The following FAM13C variants were observed in gnomAD, a reference collection of about 807,000 sequenced individuals.
FAM13C encodes protein FAM13C.
Under a neutral mutation model 73.2 loss-of-function variants are expected in FAM13C, and 37 were observed. The ratio of observed to expected loss-of-function variants is 0.51; its 90% CI spans 0.39 to 0.67. The LOEUF (loss-of-function observed/expected upper bound fraction) is 0.67. Ranked by LOEUF, FAM13C falls within the 30% of genes least tolerant of loss-of-function variation. The pLI is 0.00. For synonymous variants in FAM13C, 246 were observed against 260.9 expected (o/e 0.94, Z 0.55); for missense variants, 589 against 715.6 (o/e 0.82, Z 2.02).
At chr10:59,285,462 A>G (rs956123217) in intron 5 of FAM13C, among the ~76,000 whole-genome samples, 6 of 152,206 alleles carry the variant, frequency 3.9e-5, no homozygotes, top group African/African-American at 1.4e-4. Flanking sequence ...AAAAAGAGCA[A>G]AACTACCCTG....
intron 4 of FAM13C, among the ~76,000 whole-genome samples, chr10:59,314,954 G>C (rs1285351600): frequency 6.6e-6 from 1 of 152,138 alleles, no homozygotes; most frequent in Non-Finnish European, 1.5e-5. Context: ...AACCACAAAG[G>C]CTGTAAGTGT....
chr10:59,251,200 T>C (rs1841338298), intron 13 of FAM13C: 2 of 306,384 alleles, frequency 6.5e-6, no homozygotes, highest in Admixed American at 4.9e-5. Flanking sequence ...TTTAATAAAT[T>C]AGGGAGTAAC....
chr10:59,253,298 A>G (rs752906472), intron 11 of FAM13C, among the ~76,000 whole-genome samples: 1 of 152,240 alleles, frequency 6.6e-6, no homozygotes, highest in African/African-American at 2.4e-5. Context: ...AGTCTGGACT[A>G]TACTACCAAG....
intron 3 of FAM13C, among the ~76,000 whole-genome samples, chr10:59,333,722 T>C (rs1589658338): frequency 6.6e-6 from 1 of 152,310 alleles, no homozygotes; most frequent in East Asian, 1.9e-4. Flanking sequence ...TTTGTTTTAT[T>C]TAGTTTAGCA....
At chr10:59,319,155 T>TC (rs1849899312) in intron 4 of FAM13C, among the ~76,000 whole-genome samples, 1 of 151,236 alleles carries the variant, frequency 6.6e-6, no homozygotes, top group East Asian at 1.9e-4. Context: ...AAAGGATTTA[T>TC]CCCCCATAGA....
intron 3 of FAM13C, among the ~76,000 whole-genome samples, chr10:59,333,474 C>A (rs533821386): frequency 5.3e-5 from 8 of 152,200 alleles, no homozygotes; most frequent in African/African-American, 1.7e-4. Flanking sequence ...GGTGACAGAG[C>A]AAGATTCCAT....
At chr10:59,309,993 C>T (rs376548701) in intron 4 of FAM13C, among the ~76,000 whole-genome samples, 56 of 152,276 alleles carry the variant, frequency 3.7e-4, no homozygotes, top group African/African-American at 1.3e-3. Flanking sequence ...GACTCTCATT[C>T]CCATAACAAA....
intron 3 of FAM13C, 143 bp downstream of exon 3, chr10:59,352,127 G>T: frequency 1.2e-6 from 1 of 847,532 alleles, no homozygotes; most frequent in Non-Finnish European, 1.8e-6. Flanking sequence ...GCTTCCACGT[G>T]TCTCAGGTCG....
intron 12 of FAM13C, among the ~76,000 whole-genome samples, chr10:59,251,975 G>A (rs1412562820): frequency 6.6e-6 from 1 of 152,072 alleles, no homozygotes; most frequent in African/African-American, 2.4e-5. Flanking sequence ...GGTGGATGAG[G>A]GAAGGGATAT....
At chr10:59,303,568 C>T (rs1032592827) in intron 4 of FAM13C, among the ~76,000 whole-genome samples, 1 of 152,284 alleles carries the variant, frequency 6.6e-6, no homozygotes, top group Admixed American at 6.5e-5. Context: ...TTAACTTACA[C>T]AATAAATGTT....
In FAM13C at chr10:59,312,886, A is replaced by C. The variant is rs545498885; in HGVS notation, c.444-10022T>G. Among the ~76,000 whole-genome samples the C allele has an allele frequency of 2.6e-5, 4 of 152,290 alleles. No individual in the cohort carries two copies. In the South Asian group the frequency reaches 8.3e-4, roughly 32 times the overall value. On this transcript the variant is annotated intron_variant, in intron 4 of 13. Coordinates refer to ENST00000618804, the MANE Select transcript of FAM13C (RefSeq NM_198215.4). Reference sequence around the variant, plus strand: ...TTTCTGACCCTTAAAATTGGTTCTTAGTCCTCTTGCTCCATCAGCTCCAGG... The same window carrying C: ...TTTCTGACCCTTAAAATTGGTTCTTCGTCCTCTTGCTCCATCAGCTCCAGG...
rs187289004 is a variant in FAM13C at position 59,311,085 on chromosome 10, C to T, written c.444-8221G>A. On this transcript the variant is annotated intron_variant, in intron 4 of 13. Transcript: ENST00000618804. ...ATTCCCAAAGAGAGAAAGGCTGTGCCCCTCAAAACACCATGAAAAACTTCA... is the reference window on the plus strand; with the variant it reads ...ATTCCCAAAGAGAGAAAGGCTGTGCTCCTCAAAACACCATGAAAAACTTCA... Among the ~76,000 whole-genome samples the T allele has an allele frequency of 2.2e-3, 334 of 152,202 alleles. 2 individuals carry two copies. Among genetic ancestry groups the T allele is most frequent in the Non-Finnish European group, 4.1e-3 (280 of 68,018 alleles).
At chr10:59,272,070 T>C (rs982409976) in intron 6 of FAM13C, among the ~76,000 whole-genome samples, 4 of 152,170 alleles carry the variant, frequency 2.6e-5, no homozygotes, top group African/African-American at 9.7e-5. Context: ...TCCTAAAATA[T>C]AACTTTGTAG....
intron 5 of FAM13C, among the ~76,000 whole-genome samples, chr10:59,300,018 T>C (rs1847391738): frequency 1.3e-5 from 2 of 152,126 alleles, no homozygotes; most frequent in African/African-American, 4.8e-5. Flanking sequence ...TCTATACTCA[T>C]GCCAAGTGGA....
chr10:59,297,560 CT>C (rs1158600391), intron 5 of FAM13C, among the ~76,000 whole-genome samples: 4 of 152,146 alleles, frequency 2.6e-5, no homozygotes, highest in Non-Finnish European at 4.4e-5. Flanking sequence ...TCAGTGGCCC[CT>C]GACATTCAGT....
chr10:59,336,128 A>G (rs1852690659), intron 3 of FAM13C, among the ~76,000 whole-genome samples: 1 of 152,234 alleles, frequency 6.6e-6, no homozygotes. Flanking sequence ...AAAACCAGAC[A>G]AGGGACTACT....
chr10:59,287,881 C>G (rs959029837), intron 5 of FAM13C, among the ~76,000 whole-genome samples: 1 of 152,228 alleles, frequency 6.6e-6, no homozygotes, highest in Non-Finnish European at 1.5e-5. Context: ...ACTACACTGA[C>G]ACTGAGGCCT....
intron 5 of FAM13C, among the ~76,000 whole-genome samples, chr10:59,288,476 G>T (rs912538674): frequency 1.3e-5 from 2 of 150,360 alleles, no homozygotes; most frequent in African/African-American, 4.9e-5. Flanking sequence ...CTGGGCAACA[G>T]GGGGAAAAAG....
rs1840817091 is a variant in FAM13C, at chr10:59,247,490, C to T, written c.*124G>A. The T allele has an allele frequency of 1.7e-6, 2 of 1,181,838 alleles. No individual in the cohort carries two copies. Among genetic ancestry groups the T allele is most frequent in the Non-Finnish European group, 2.4e-6 (2 of 816,634 alleles). 73.2% of individuals were successfully genotyped at this position (1,181,838 alleles called of 1,614,324 possible). A position where few individuals can be genotyped will look rare whatever the true frequency, so the allele number is the denominator to read the frequency against. ...TAAACTTGCTATTCCTTCTTAAAAA[C>T]AGCTAATACTACCACTAAAGTGCTT... On this transcript the variant is annotated 3_prime_UTR_variant, in exon 14 of 14. Transcript: ENST00000618804.
Sources: gnomAD v4.1 joint callset for allele counts (sites outside exome capture counted in the v4.1 genomes callset) on GRCh38, gnomAD v4.1.1 for gene constraint, MANE v1.5 for transcripts, NCBI Gene and HGNC (gene_info 2026-07-23, HGNC 2026-07-21) for gene names.